IFRD1: variants seen among roughly 807,000 people sequenced by gnomAD.
The protein encoded by IFRD1 is interferon-related developmental regulator 1.
IFRD1 carries 35 observed loss-of-function variants against 52.9 expected under a neutral mutation model. That is an observed-to-expected ratio of 0.66 (90% CI 0.51 to 0.88). The LOEUF is 0.88. Among genes scored for constraint, IFRD1 ranks in the 40% least tolerant of loss-of-function variants. The pLI, the probability that IFRD1 is intolerant of heterozygous loss-of-function variation, is 0.00. For synonymous variants in IFRD1, 184 were observed against 188.4 expected (o/e 0.98, Z 0.19); for missense variants, 517 against 550.8 (o/e 0.94, Z 0.61).
intron 1 of IFRD1, among the ~76,000 whole-genome samples, chr7:112,453,372 T>G (rs1280901615): frequency 3.9e-5 from 6 of 152,192 alleles, no homozygotes; most frequent in Non-Finnish European, 7.4e-5. Flanking sequence ...TTCGTGGTAC[T>G]TAGGATCACA....
At chr7:112,466,285 C>A (rs141499996) in intron 8 of IFRD1, among the ~76,000 whole-genome samples, 1 of 151,800 alleles carries the variant, frequency 6.6e-6, no homozygotes, top group Non-Finnish European at 1.5e-5. Context: ...TATATAGAGT[C>A]TTTTTTCTAA....
intron 9 of IFRD1, among the ~76,000 whole-genome samples, chr7:112,471,839 C>G (rs1230660182): frequency 1.3e-5 from 2 of 152,078 alleles, no homozygotes; most frequent in African/African-American, 4.8e-5. Context: ...CATTTCACCC[C>G]CTGCTTGTGG....
chr7:112,434,320 C>T (rs1156533390), intron 1 of IFRD1, among the ~76,000 whole-genome samples: 1 of 152,172 alleles, frequency 6.6e-6, no homozygotes, highest in Non-Finnish European at 1.5e-5. Flanking sequence ...AGCCTATATA[C>T]TAAATGATGC....
rs974338807 is a variant in IFRD1, at chr7:112,475,423, A to G, written c.1267-7A>G. On this transcript the variant is annotated splice_polypyrimidine_tract_variant and splice_region_variant and intron_variant, in intron 11 of 11. Coordinates refer to ENST00000403825, the MANE Select transcript of IFRD1 (RefSeq NM_001550.4). Reference sequence around the variant, plus strand: ...CTGATGCACGTTTTTCCTTTTTTTCATTTTAGCATTTATATAACTCTGCAG... The same window carrying G: ...CTGATGCACGTTTTTCCTTTTTTTCGTTTTAGCATTTATATAACTCTGCAG... 3 of 1,584,672 alleles carry G rather than the reference A, an allele frequency of 1.9e-6. No individual in the cohort carries two copies. In the Admixed American group the frequency reaches 5.0e-5, roughly 27 times the overall value.
upstream of IFRD1, chr7:112,450,423 G>C (rs1795122657): frequency 1.9e-6 from 1 of 517,592 alleles, no homozygotes; most frequent in African/African-American, 1.9e-5. Flanking sequence ...TCAGGTGGCG[G>C]TATTGCTACT....
At chr7:112,452,239 G>GC in intron 1 of IFRD1, 1 of 458,968 alleles carries the variant, frequency 2.2e-6, no homozygotes, top group Non-Finnish European at 2.9e-6. Flanking sequence ...ATAGCTCACT[G>GC]CAACCTCTTA....
chr7:112,460,051 C>T (rs1795395587), intron 5 of IFRD1, among the ~76,000 whole-genome samples: 1 of 152,112 alleles, frequency 6.6e-6, no homozygotes, highest in African/African-American at 2.4e-5. Context: ...GGTATAATTT[C>T]ATGCTAGAAT....
At chr7:112,460,044 A>G (rs939567614) in intron 5 of IFRD1, among the ~76,000 whole-genome samples, 4 of 152,200 alleles carry the variant, frequency 2.6e-5, no homozygotes, top group African/African-American at 9.7e-5. Context: ...AACTATTGGT[A>G]TAATTTCATG....
At chr7:112,459,327 T>TG (rs760170855) in intron 5 of IFRD1, among the ~76,000 whole-genome samples, 8 of 152,248 alleles carry the variant, frequency 5.3e-5, no homozygotes, top group Non-Finnish European at 1.2e-4. Flanking sequence ...AAAGCTTTCA[T>TG]TCTCTAATTG....
rs1795462619 is a variant in IFRD1, at chr7:112,462,334, G to A, written c.862G>A (p.Glu288Lys). The change falls in exon 8 of 12, where the codon GAA (glutamate) becomes AAA (lysine). Residue 288 changes from glutamate to lysine, a missense_variant. Physicochemically the swap from Glu to Lys is moderately conservative, Grantham distance 56. Coordinates refer to ENST00000403825, the MANE Select transcript of IFRD1 (RefSeq NM_001550.4). Reference sequence around the variant, plus strand: ...TGTAAACATGAGAATAGCTGCTGGTGAATCTTTGGCACTTCTCTTTGAATT... The same window carrying A: ...TGTAAACATGAGAATAGCTGCTGGTAAATCTTTGGCACTTCTCTTTGAATT... Reference protein sequence around the residue: ...DDVNMRIAAGESLALLFELAR... With the variant: ...DDVNMRIAAGKSLALLFELAR... 6.2e-7 allele frequency: 1 copy of A among 1,613,634 alleles called. No homozygotes were observed. Among genetic ancestry groups the A allele is most frequent in the Non-Finnish European group, 8.5e-7 (1 of 1,179,782 alleles).
chr7:112,441,139 G>A (rs774681197), intron 1 of IFRD1, among the ~76,000 whole-genome samples: 1 of 152,026 alleles, frequency 6.6e-6, no homozygotes, highest in Non-Finnish European at 1.5e-5. Flanking sequence ...CTGGGCGTTC[G>A]TGGTGTGCGC....
chr7:112,433,994 AT>A (rs35432506), intron 1 of IFRD1, among the ~76,000 whole-genome samples: 50,734 of 149,066 alleles, frequency 0.34, 9,574 homozygotes, highest in African/African-American at 0.51. Context: ...TAATTTTTGT[AT>A]TTTTTTTTTA....
In IFRD1 at chr7:112,470,150, T is replaced by C. The variant is rs1795710625; in HGVS notation, c.1041+2035T>C. On this transcript the variant is annotated intron_variant, in intron 9 of 11. Transcript: ENST00000403825. ...ATCAGCAAGCACTTAATGTTTTAGG[T>C]GTTTTGCCATACAGTTTTCTTATCT... 3.9e-5 allele frequency among the ~76,000 whole-genome samples: 6 copies of C among 152,274 alleles called. No homozygotes were observed. The South Asian group carries it at 1.2e-3, about 32-fold the overall frequency.
At chr7:112,431,452 G>T (rs1794545970) in intron 1 of IFRD1, among the ~76,000 whole-genome samples, 1 of 152,124 alleles carries the variant, frequency 6.6e-6, no homozygotes, top group African/African-American at 2.4e-5. Flanking sequence ...CATCAGTTTG[G>T]AATATTTTAG....
chr7:112,472,753 T>A lies in IFRD1; in HGVS notation c.1171-13T>A. 1 of 1,558,154 alleles carries A rather than the reference T, an allele frequency of 6.4e-7. No homozygotes were observed. Among genetic ancestry groups the A allele is most frequent in the Non-Finnish European group, 8.9e-7 (1 of 1,129,006 alleles). ...TTAATACTGAGCCATACCACCTTTT[T>A]CTTTCACATAAGTCAAATGAATTCC... On this transcript the variant is annotated splice_polypyrimidine_tract_variant and intron_variant, in intron 10 of 11. Transcript: ENST00000403825.
At chr7:112,457,088 TTA>T (rs1195364396) in intron 4 of IFRD1, 50 bp downstream of exon 4, 1 of 1,587,246 alleles carries the variant, frequency 6.3e-7, no homozygotes, top group African/African-American at 1.3e-5. Context: ...AAGGAGTGTG[TTA>T]TCTTCTTTTC....
At chr7:112,455,526 C>G (rs1353586271) in intron 1 of IFRD1, among the ~76,000 whole-genome samples, 1 of 151,986 alleles carries the variant, frequency 6.6e-6, no homozygotes, top group Non-Finnish European at 1.5e-5. Context: ...AAGAATGCCT[C>G]TTGTTAGAGG....
chr7:112,451,418 C>T (rs1256163211), intron 1 of IFRD1, among the ~76,000 whole-genome samples: 1 of 152,184 alleles, frequency 6.6e-6, no homozygotes, highest in Non-Finnish European at 1.5e-5. Flanking sequence ...CTGCAGAAGC[C>T]CTGAACCTCT....
intron 1 of IFRD1, among the ~76,000 whole-genome samples, chr7:112,433,161 G>A (rs145646760): frequency 3.1e-3 from 465 of 152,316 alleles, no homozygotes; most frequent in African/African-American, 0.01. Flanking sequence ...AATTGGAATA[G>A]AGAAAGAGTT....
Sources: allele counts gnomAD v4.1 joint callset (sites outside exome capture counted in the v4.1 genomes callset), GRCh38; gene constraint gnomAD v4.1.1; transcripts MANE v1.5; gene names NCBI Gene and HGNC (gene_info 2026-07-23, HGNC 2026-07-21).